The following TRPM3 variants were observed in gnomAD, a reference collection of about 807,000 sequenced individuals.
TRPM3 encodes long transient receptor potential channel 3.
In TRPM3, 77 loss-of-function variants were observed where a neutral mutation model predicts 181.2. The ratio of observed to expected loss-of-function variants is 0.42; its 90% CI spans 0.35 to 0.51. The LOEUF (loss-of-function observed/expected upper bound fraction) is 0.51, where lower values mean the gene tolerates loss of function less well. Among genes scored for constraint, TRPM3 ranks in the 20% least tolerant of loss-of-function variants. The probability of loss-of-function intolerance (pLI) is 0.01; values close to 1 mark genes in which losing one functional copy is unlikely to be tolerated. For missense variants in TRPM3, 1,759 were observed against 2,196.7 expected (o/e 0.80, Z 3.98); for synonymous variants, 745 against 796.4 (o/e 0.94, Z 1.09).
chr9:71,175,036 C>T (rs1444865617), intron 1 of TRPM3, among the ~76,000 whole-genome samples: 1 of 152,010 alleles, frequency 6.6e-6, no homozygotes, highest in Admixed American at 6.6e-5. Flanking sequence ...GGAGGCATGA[C>T]GTGTAGGAAA....
intron 3 of TRPM3, 70 bp from the exon 4 acceptor site, chr9:70,846,661 T>A: frequency 1.6e-6 from 2 of 1,263,792 alleles, no homozygotes; most frequent in Non-Finnish European, 1.1e-6. Context: ...CTTTACTGAT[T>A]GCAATTATAT....
At chr9:70,902,893 TAGC>T (rs2096405942) in intron 1 of TRPM3, among the ~76,000 whole-genome samples, 1 of 152,210 alleles carries the variant, frequency 6.6e-6, no homozygotes, top group African/African-American at 2.4e-5. Flanking sequence ...GTGTCATAAA[TAGC>T]AGAGCAGATG....
chr9:71,099,511 G>A (rs1308001838), intron 1 of TRPM3, among the ~76,000 whole-genome samples: 4 of 152,030 alleles, frequency 2.6e-5, no homozygotes, highest in African/African-American at 4.8e-5. Flanking sequence ...AAGTGTACAG[G>A]GTAGGTACAA....
intron 24 of TRPM3, among the ~76,000 whole-genome samples, chr9:70,551,450 T>C (rs2046429790): frequency 6.6e-6 from 1 of 152,216 alleles, no homozygotes; most frequent in Non-Finnish European, 1.5e-5. Context: ...AAGAAAACCC[T>C]GAACAGCAAC....
chr9:70,536,753 T>C lies in TRPM3; in HGVS notation c.4360A>G (p.Ser1454Gly). ...STPVPSTAPS[S>G]SAYATLAPTD... Reference sequence around the variant, plus strand: ...GGTGCAAGTGTTGCATAGGCACTACTTGAAGGGGCTGTGGAAGGTACTGGA... The same window carrying C: ...GGTGCAAGTGTTGCATAGGCACTACCTGAAGGGGCTGTGGAAGGTACTGGA... Residue 1454 changes from serine to glycine, a missense_variant, in exon 26 of 26, where the codon AGT becomes GGT. By Grantham distance (56) the Ser-to-Gly change is moderately conservative. Around this residue, in one of 8 missense-constraint regions of TRPM3, gnomAD observed 612 missense variants for 590.0 expected, o/e 1.04. Coordinates refer to ENST00000677713, the MANE Select transcript of TRPM3 (RefSeq NM_001366145.2). 1.9e-6 allele frequency: 3 copies of C among 1,614,166 alleles called. No homozygotes were observed. Among genetic ancestry groups the C allele is most frequent in the Non-Finnish European group, 2.5e-6 (3 of 1,180,036 alleles).
chr9:71,008,370 TAA>T (rs34758172), intron 1 of TRPM3, among the ~76,000 whole-genome samples: 26 of 149,696 alleles, frequency 1.7e-4, no homozygotes, highest in African/African-American at 5.9e-4. Context: ...CTCAAACTGT[TAA>T]AAAAAAAATG....
chr9:70,684,877 A>G (rs961152098), intron 8 of TRPM3, among the ~76,000 whole-genome samples: 5 of 152,200 alleles, frequency 3.3e-5, no homozygotes, highest in Non-Finnish European at 7.3e-5. Context: ...TATTAGAGTT[A>G]CGCTAACCTT....
chr9:71,059,011 ATTTT>A (rs1162577364), intron 1 of TRPM3, among the ~76,000 whole-genome samples: 1 of 52,640 alleles, frequency 1.9e-5, no homozygotes, highest in Non-Finnish European at 3.2e-5. Flanking sequence ...TTGTTTGTTC[ATTTT>A]TTTTTTTTTT....
chr9:70,984,889 G>A (rs1387625867), intron 1 of TRPM3, among the ~76,000 whole-genome samples: 2 of 152,192 alleles, frequency 1.3e-5, no homozygotes, highest in Non-Finnish European at 2.9e-5. Context: ...AAACTAATAT[G>A]TCATCCGTAT....
At chr9:70,671,761 TTTTA>T (rs2062979597) in intron 9 of TRPM3, among the ~76,000 whole-genome samples, 1 of 151,930 alleles carries the variant, frequency 6.6e-6, no homozygotes, top group South Asian at 2.1e-4. Flanking sequence ...CCCTCAGTAG[TTTTA>T]TTTATTTATT....
intron 1 of TRPM3, among the ~76,000 whole-genome samples, chr9:71,361,351 C>T (rs1004623556): frequency 3.2e-4 from 49 of 151,978 alleles, no homozygotes; most frequent in African/African-American, 1.1e-3. Context: ...GAGACCATAG[C>T]GTAAGAAAAA....
At chr9:70,624,377 C>A (rs752403063) in intron 14 of TRPM3, among the ~76,000 whole-genome samples, 1 of 152,126 alleles carries the variant, frequency 6.6e-6, no homozygotes, top group Admixed American at 6.6e-5. Flanking sequence ...TATAATACAG[C>A]CTCGAACTCC....
At chr9:71,134,014 TGCGC>T (rs373984405) in intron 1 of TRPM3, among the ~76,000 whole-genome samples, 14 of 139,946 alleles carry the variant, frequency 1.0e-4, no homozygotes, top group Non-Finnish European at 4.8e-5. Context: ...TGTGTGTGTG[TGCGC>T]GTGCGCGCGC....
chr9:71,240,688 G>C (rs1223365010), intron 1 of TRPM3, among the ~76,000 whole-genome samples: 1 of 151,866 alleles, frequency 6.6e-6, no homozygotes, highest in African/African-American at 2.4e-5. Context: ...GTTATTTTAA[G>C]ACTTTTATAA....
chr9:71,155,467 C>T (rs1326475137), intron 1 of TRPM3, among the ~76,000 whole-genome samples: 1 of 97,546 alleles, frequency 1.0e-5, no homozygotes, highest in African/African-American at 3.9e-5. Context: ...TACAGGCATG[C>T]ACCACCATGC....
intron 5 of TRPM3, among the ~76,000 whole-genome samples, chr9:70,832,782 G>A (rs1187689198): frequency 6.6e-6 from 1 of 152,092 alleles, no homozygotes; most frequent in Non-Finnish European, 1.5e-5. Context: ...AGCATTTTTG[G>A]TCTCACCCAG....
At chr9:71,047,810 TCA>T (rs56653631) in intron 1 of TRPM3, among the ~76,000 whole-genome samples, 10,659 of 141,182 alleles carry the variant, frequency 0.075, 299 homozygotes, top group African/African-American at 0.1. Flanking sequence ...ACTGGCTGCA[TCA>T]CACACACACA....
At chr9:70,772,109 A>G (rs12685630) in intron 7 of TRPM3, among the ~76,000 whole-genome samples, 23,266 of 152,216 alleles carry the variant, frequency 0.15, 2,368 homozygotes, top group East Asian at 0.39. Flanking sequence ...TCAGACATTC[A>G]AGGCTTCTCA....
chr9:70,675,395 C>A (rs1053886990), intron 9 of TRPM3, among the ~76,000 whole-genome samples: 1 of 152,048 alleles, frequency 6.6e-6, no homozygotes, highest in African/African-American at 2.4e-5. Flanking sequence ...TGTGCCAGGC[C>A]CATGTTATTT....
Sources: allele counts gnomAD v4.1 joint callset (sites outside exome capture counted in the v4.1 genomes callset), GRCh38; gene constraint gnomAD v4.1.1; regional missense constraint gnomAD v4.1.1; transcripts MANE v1.5; gene names NCBI Gene and HGNC (gene_info 2026-07-23, HGNC 2026-07-21).